Variants in RIT2 observed in about 807,000 individuals in gnomAD.
RIT2 encodes Ras like without CAAX 2.
A neutral mutation model predicts 23.7 loss-of-function variants in RIT2; 24 were observed. That is an observed-to-expected ratio of 1.01 (90% CI 0.73 to 1.43). The LOEUF is 1.43. RIT2 is among the 40% of genes most tolerant of loss of function. The pLI, the probability that RIT2 is intolerant of heterozygous loss-of-function variation, is 0.00. For missense variants in RIT2, 236 were observed against 266.9 expected (o/e 0.88, Z 0.81); for synonymous variants, 107 against 91.1 (o/e 1.17, Z -0.99).
intron 2 of RIT2, among the ~76,000 whole-genome samples, chr18:42,978,962 C>G (rs1005486713): frequency 6.6e-6 from 1 of 151,916 alleles, no homozygotes; most frequent in African/African-American, 2.4e-5. Flanking sequence ...AAAAAGAAAG[C>G]AAAATTCAAA....
At chr18:42,810,439 C>A (rs920034721) in intron 4 of RIT2, among the ~76,000 whole-genome samples, 1 of 151,698 alleles carries the variant, frequency 6.6e-6, no homozygotes, top group African/African-American at 2.4e-5. Flanking sequence ...ATTAAAGTAA[C>A]CTATTAATTT....
chr18:42,851,732 C>A (rs1272960535), intron 4 of RIT2, among the ~76,000 whole-genome samples: 1 of 152,088 alleles, frequency 6.6e-6, no homozygotes, highest in Non-Finnish European at 1.5e-5. Context: ...TGCGTATAGT[C>A]CCAGCTACTC....
chr18:43,013,417 C>T lies in RIT2; in HGVS notation c.160+20394G>A, dbSNP rs77888593. On this transcript the variant is annotated intron_variant, in intron 2 of 4. Coordinates refer to ENST00000326695, the MANE Select transcript of RIT2 (RefSeq NM_002930.4). Reference sequence around the variant, plus strand: ...CAGGAATCGTGACTGAGAATTACTGCTCCTGCAGTTTCTGATTCCCAGTGG... The same window carrying T: ...CAGGAATCGTGACTGAGAATTACTGTTCCTGCAGTTTCTGATTCCCAGTGG... 4.2e-3 allele frequency among the ~76,000 whole-genome samples: 639 copies of T among 151,874 alleles called. 4 individuals are homozygous for T. Among genetic ancestry groups the T allele is most frequent in the Middle Eastern group, 0.017 (5 of 294 alleles).
chr18:42,893,333 T>C (rs1325957834), intron 4 of RIT2, among the ~76,000 whole-genome samples: 1 of 152,154 alleles, frequency 6.6e-6, no homozygotes, highest in Non-Finnish European at 1.5e-5. Context: ...CTCACAGTTC[T>C]GGAGGCTGGA....
At chr18:42,893,375 T>G (rs1168835950) in intron 4 of RIT2, among the ~76,000 whole-genome samples, 1 of 152,132 alleles carries the variant, frequency 6.6e-6, no homozygotes, top group African/African-American at 2.4e-5. Context: ...GTAGATTCAG[T>G]GTTGGATGTG....
intron 1 of RIT2, among the ~76,000 whole-genome samples, chr18:43,049,139 G>C (rs1912318439): frequency 1.3e-5 from 2 of 152,120 alleles, no homozygotes; most frequent in Admixed American, 1.3e-4. Context: ...AGAGAAAACT[G>C]GCAAACCAGC....
chr18:42,890,757 C>T (rs1021713628), intron 4 of RIT2, among the ~76,000 whole-genome samples: 1 of 151,656 alleles, frequency 6.6e-6, no homozygotes, highest in Non-Finnish European at 1.5e-5. Flanking sequence ...AGCTATGTTG[C>T]CAAGTCTAAA....
At chr18:42,967,536 ATTTTTTTTTTTTTT>A (rs397940927) in intron 3 of RIT2, among the ~76,000 whole-genome samples, 2 of 80,756 alleles carry the variant, frequency 2.5e-5, no homozygotes, top group East Asian at 7.2e-4. Flanking sequence ...CGCCCGGCTA[ATTTTTTTTTTTTTT>A]TTTTTTTTTT....
intron 1 of RIT2, among the ~76,000 whole-genome samples, chr18:43,036,734 G>A (rs1302726577): frequency 1.3e-5 from 2 of 151,924 alleles, no homozygotes; most frequent in Non-Finnish European, 2.9e-5. Flanking sequence ...GCTGAGCTTT[G>A]TTTCAGAATT....
chr18:42,881,582 A>T lies in RIT2; in HGVS notation c.426+41990T>A, dbSNP rs575839137. On this transcript the variant is annotated intron_variant, in intron 4 of 4. Transcript: ENST00000326695. ...CTGTATGCATGAGGTGTTGTAGCAA[A>T]TGACTTGAGATTCTTGAAATTGTTC... 2.0e-5 allele frequency among the ~76,000 whole-genome samples: 3 copies of T among 152,222 alleles called. No homozygotes were observed. In the South Asian group the frequency reaches 6.2e-4, roughly 32 times the overall value.
At chr18:42,744,140 C>G (rs1160265163) in intron 4 of RIT2, among the ~76,000 whole-genome samples, 6 of 152,120 alleles carry the variant, frequency 3.9e-5, no homozygotes, top group Non-Finnish European at 7.4e-5. Flanking sequence ...CCCCCTTTGA[C>G]TGTAATTTTC....
At chr18:43,027,591 T>C (rs1911763432) in intron 2 of RIT2, among the ~76,000 whole-genome samples, 1 of 151,988 alleles carries the variant, frequency 6.6e-6, no homozygotes, top group African/African-American at 2.4e-5. Context: ...ATCTTCTAGA[T>C]GTTTCCATTG....
chr18:42,926,524 T>C (rs985133759), intron 3 of RIT2, among the ~76,000 whole-genome samples: 1 of 151,930 alleles, frequency 6.6e-6, no homozygotes, highest in Non-Finnish European at 1.5e-5. Context: ...ATTTGACTAC[T>C]TCAACAAAAA....
At chr18:42,819,449 TTTG>T (rs1054916746) in intron 4 of RIT2, among the ~76,000 whole-genome samples, 5 of 152,012 alleles carry the variant, frequency 3.3e-5, no homozygotes, top group Non-Finnish European at 5.9e-5. Flanking sequence ...TAGGTGTGGT[TTTG>T]TTGTTGTTGT....
At chr18:42,991,711 C>T (rs1910853177) in intron 2 of RIT2, among the ~76,000 whole-genome samples, 1 of 152,102 alleles carries the variant, frequency 6.6e-6, no homozygotes, top group African/African-American at 2.4e-5. Flanking sequence ...GAAATTCCTT[C>T]TCCTGGCTCA....
chr18:42,915,151 TACACACACAC>T (rs71918963), intron 4 of RIT2, among the ~76,000 whole-genome samples: 10 of 145,850 alleles, frequency 6.9e-5, no homozygotes, highest in African/African-American at 1.0e-4. Context: ...CATATAATTA[TACACACACAC>T]ACACACACAC....
At chr18:42,974,672 A>G (rs1418576952) in intron 2 of RIT2, among the ~76,000 whole-genome samples, 2 of 152,102 alleles carry the variant, frequency 1.3e-5, no homozygotes, top group Non-Finnish European at 2.9e-5. Flanking sequence ...GTAGAACCCT[A>G]AAGATTACAT....
At chr18:42,886,132 T>G (rs1908016832) in intron 4 of RIT2, among the ~76,000 whole-genome samples, 1 of 152,232 alleles carries the variant, frequency 6.6e-6, no homozygotes, top group South Asian at 2.1e-4. Flanking sequence ...CTGTCTATGA[T>G]TTTCAATGAT....
chr18:42,871,325 TTACA>T (rs564518526), intron 4 of RIT2, among the ~76,000 whole-genome samples: 100 of 152,320 alleles, frequency 6.6e-4, no homozygotes, highest in Non-Finnish European at 1.4e-3. Context: ...TCATAATCAC[TTACA>T]TAGTCTTGTA....
Sources: gnomAD v4.1 joint callset for allele counts (sites outside exome capture counted in the v4.1 genomes callset) on GRCh38, gnomAD v4.1.1 for gene constraint, MANE v1.5 for transcripts, NCBI Gene and HGNC (gene_info 2026-07-23, HGNC 2026-07-21) for gene names.